ZC3H15: variants seen among roughly 807,000 people sequenced by gnomAD.
ZC3H15 encodes zinc finger CCCH-type containing 15, also known as zinc finger CCCH domain-containing protein 15.
In ZC3H15, 15 loss-of-function variants were observed where a neutral mutation model predicts 51.2. That is an observed-to-expected ratio of 0.29 (90% CI 0.20 to 0.45). ZC3H15 has a LOEUF of 0.45. ZC3H15 is among the 20% of genes least tolerant of loss of function. ZC3H15 has a pLI of 1.00. For missense variants in ZC3H15, 381 were observed against 494.7 expected (o/e 0.77, Z 2.18); for synonymous variants, 144 against 162.8 (o/e 0.88, Z 0.88).
At chr2:186,497,282 C>A (rs1371464705) in intron 2 of ZC3H15, among the ~76,000 whole-genome samples, 1 of 152,216 alleles carries the variant, frequency 6.6e-6, no homozygotes, top group Non-Finnish European at 1.5e-5. Flanking sequence ...TTCTCTTGCT[C>A]ATGCTGTCTG....
chr2:186,506,848 A>C lies in ZC3H15; in HGVS notation c.1090+12A>C, dbSNP rs1230456734. On this transcript the variant is annotated intron_variant, in intron 9 of 9. Transcript: ENST00000337859. Reference sequence around the variant, plus strand: ...TTCAGATAAAGATGGTAAGTATGCTAACTTTTGCCTAATTTTAAGAACTAG... The same window carrying C: ...TTCAGATAAAGATGGTAAGTATGCTCACTTTTGCCTAATTTTAAGAACTAG... 1 of 1,605,232 alleles carries C rather than the reference A, an allele frequency of 6.2e-7. No individual in the cohort carries two copies. The highest frequency in any genetic ancestry group is 8.5e-7 in the Non-Finnish European group (1 of 1,176,958).
In ZC3H15 at chr2:186,501,436, T is replaced by A. The variant is rs377662501; in HGVS notation, c.442+11T>A. ...AAGAACTTGAAAAAGGTAATTTTTT[T>A]AAAAACACTCTCTTAAAAATAAATG... is the stretch of plus-strand genomic sequence containing the variant. On this transcript the variant is annotated intron_variant, in intron 4 of 9. Transcript: ENST00000337859. 101 of 1,601,256 alleles carry A rather than the reference T, an allele frequency of 6.3e-5. 1 individual carries two copies. The highest frequency in any genetic ancestry group is 1.2e-4 in the Admixed American group (7 of 57,282).
chr2:186,496,531 G>C (rs1242451657), intron 2 of ZC3H15, among the ~76,000 whole-genome samples: 1 of 152,178 alleles, frequency 6.6e-6, no homozygotes, highest in East Asian at 1.9e-4. Flanking sequence ...ATGAATAGCT[G>C]CTTACACCAG....
chr2:186,494,092 C>A (rs915699721), intron 1 of ZC3H15, among the ~76,000 whole-genome samples: 9 of 151,226 alleles, frequency 6.0e-5, no homozygotes. Context: ...TTTTCTCCCC[C>A]CAACCCCATA....
In ZC3H15 at chr2:186,486,353, TAA is replaced by T; in HGVS notation, c.-29_-28del. On this transcript the variant is annotated 5_prime_UTR_variant, in exon 1 of 10. Transcript: ENST00000337859. ...ACCCCTGACGGTATTCAGCTGCGCG[TAA>T]GTCTGGCCGGTGCCATCTGTCTCCG... The T allele has an allele frequency of 5.3e-6, 8 of 1,522,506 alleles. No individual in the cohort carries two copies. Among genetic ancestry groups the T allele is most frequent in the Non-Finnish European group, 4.4e-6 (5 of 1,130,084 alleles). The allele number at this position is 1,522,506 out of a possible 1,614,324, so 94.3% of individuals were successfully genotyped here.
chr2:186,492,410 C>T (rs1183322924), intron 1 of ZC3H15, among the ~76,000 whole-genome samples: 1 of 152,164 alleles, frequency 6.6e-6, no homozygotes, highest in African/African-American at 2.4e-5. Context: ...CAGAAACATC[C>T]AGCTTGTTTG....
Position 186,508,885 on chromosome 2 carries a change from C to A in ZC3H15, c.*152C>A, listed in dbSNP as rs1387633299. ...CTGCAAAAAAGGCATCTTGTCCCTA[C>A]ATCTTCTCTTCTGACTTTGGCTACA... On this transcript the variant is annotated 3_prime_UTR_variant, in exon 10 of 10. Transcript: ENST00000337859. 2.6e-6 allele frequency: 2 copies of A among 759,356 alleles called. No homozygotes were observed. Among genetic ancestry groups the A allele is most frequent in the Non-Finnish European group, 4.3e-6 (2 of 466,708 alleles). 47.0% of individuals were successfully genotyped at this position (759,356 alleles called of 1,614,324 possible).
At chr2:186,488,160 A>AT (rs1010977420) in intron 1 of ZC3H15, among the ~76,000 whole-genome samples, 1 of 152,026 alleles carries the variant, frequency 6.6e-6, no homozygotes, top group Non-Finnish European at 1.5e-5. Context: ...AATATATATT[A>AT]TTTTTTTAAT....
chr2:186,500,714 C>T (rs1235962468), intron 3 of ZC3H15: 2 of 455,130 alleles, frequency 4.4e-6, no homozygotes, highest in Non-Finnish European at 8.8e-6. Flanking sequence ...GTTGCTCTGT[C>T]ACCAGGCTGG....
intron 4 of ZC3H15, 126 bp downstream of exon 4, chr2:186,501,551 G>T: frequency 5.0e-6 from 4 of 804,724 alleles, no homozygotes; most frequent in South Asian, 5.2e-5. Context: ...AATTAATTGG[G>T]TTTATTATTT....
At position 186,508,957 on chromosome 2, in the gene ZC3H15, G is replaced by A. The variant is rs1685511505; in HGVS notation, c.*224G>A. 4.8e-6 allele frequency: 3 copies of A among 627,274 alleles called. No homozygotes were observed. The highest frequency in any genetic ancestry group is 4.7e-5 in the South Asian group (3 of 63,470). 38.9% of individuals were successfully genotyped at this position (627,274 alleles called of 1,614,324 possible). Reference sequence around the variant, plus strand: ...GTTCATGATAAATTGAAAATATAATGGTCATTGCAGAAAATGATTGATGTT... The same window carrying A: ...GTTCATGATAAATTGAAAATATAATAGTCATTGCAGAAAATGATTGATGTT... On this transcript the variant is annotated 3_prime_UTR_variant, in exon 10 of 10. Transcript: ENST00000337859.
intron 2 of ZC3H15, 35 bp downstream of exon 2, chr2:186,495,369 T>C: frequency 8.2e-7 from 1 of 1,214,318 alleles, no homozygotes; most frequent in Non-Finnish European, 1.1e-6. Flanking sequence ...TTTTTATAAA[T>C]GTAATATTAA....
chr2:186,500,033 T>A, intron 2 of ZC3H15, 149 bp from the exon 3 acceptor site: 1 of 648,806 alleles, frequency 1.5e-6, no homozygotes, highest in Non-Finnish European at 2.6e-6. Flanking sequence ...ACCACAACAT[T>A]GAATAGACTC....
chr2:186,497,180 C>A, intron 2 of ZC3H15: 2 of 421,042 alleles, frequency 4.8e-6, no homozygotes, highest in Non-Finnish European at 4.6e-6. Context: ...TCTGGAAACA[C>A]ATTTTTGTAA....
rs1045282339 is a variant in ZC3H15 at position 186,495,143 on chromosome 2, A to G, written c.76-90A>G. The G allele has an allele frequency of 8.1e-5, 59 of 728,478 alleles. No homozygotes were observed. The African/African-American group carries it at 1.1e-3, about 14-fold the overall frequency. 45.1% of individuals were successfully genotyped at this position (728,478 alleles called of 1,614,324 possible). ...GTTTTTATATTAGTAAAGAATAATT[A>G]TCAATAAAAATAATGATTTTTAGAT... On this transcript the variant is annotated intron_variant, in intron 1 of 9. Transcript: ENST00000337859.
intron 8 of ZC3H15, chr2:186,506,072 T>A: frequency 1.6e-6 from 1 of 615,284 alleles, no homozygotes; most frequent in East Asian, 3.1e-5. Flanking sequence ...TAGTAGTTCT[T>A]TATACAGCTT....
In ZC3H15 at chr2:186,505,386, A is replaced by C. The variant is rs572636775; in HGVS notation, c.718-65A>C. On this transcript the variant is annotated intron_variant, in intron 6 of 9. Transcript: ENST00000337859. Reference sequence around the variant, plus strand: ...CAAGGAATTAATCACATTAAGAGATAACTGCAACTAAGCACTATTTGAGGT... The same window carrying C: ...CAAGGAATTAATCACATTAAGAGATCACTGCAACTAAGCACTATTTGAGGT... The C allele has an allele frequency of 1.0e-4, 153 of 1,483,386 alleles. 1 individual carries two copies. In the East Asian group the frequency reaches 3.5e-3, roughly 34 times the overall value. The allele number at this position is 1,483,386 out of a possible 1,614,324, so 91.9% of individuals were successfully genotyped here.
chr2:186,509,193 G>A lies in ZC3H15; in HGVS notation c.*460G>A, dbSNP rs1281756251. 1 of 317,288 alleles carries A rather than the reference G, an allele frequency of 3.2e-6. No homozygotes were observed. Among genetic ancestry groups the A allele is most frequent in the African/African-American group, 2.2e-5 (1 of 45,424 alleles). 19.7% of individuals were successfully genotyped at this position (317,288 alleles called of 1,614,324 possible). A position where few individuals can be genotyped will look rare whatever the true frequency, so the allele number is the denominator to read the frequency against. ...GTACTTCATAAAGGAAACTGCGTAT[G>A]CAGATTCAGTATTGTGTATCTTTGG... is the stretch of plus-strand genomic sequence containing the variant. On this transcript the variant is annotated 3_prime_UTR_variant, in exon 10 of 10. Coordinates refer to ENST00000337859, the MANE Select transcript of ZC3H15 (RefSeq NM_018471.3).
At chr2:186,505,136 T>A (rs967605197) in intron 6 of ZC3H15, 7 of 158,572 alleles carry the variant, frequency 4.4e-5, no homozygotes, top group Non-Finnish European at 9.7e-5. Flanking sequence ...TTGGATATTG[T>A]TATGGTGCTT....
Sources: gnomAD v4.1 joint callset for allele counts (sites outside exome capture counted in the v4.1 genomes callset) on GRCh38, gnomAD v4.1.1 for gene constraint, MANE v1.5 for transcripts, NCBI Gene and HGNC (gene_info 2026-07-23, HGNC 2026-07-21) for gene names.